DIDO1: variants seen among roughly 807,000 people sequenced by gnomAD.
The protein encoded by DIDO1 is death-inducer obliterator 1.
DIDO1 carries 16 observed loss-of-function variants against 99.4 expected under a neutral mutation model. The ratio of observed to expected loss-of-function variants is 0.16; its 90% CI spans 0.11 to 0.24. DIDO1 has a LOEUF of 0.24. DIDO1 is among the 10% of genes least tolerant of loss of function. The pLI, the probability that DIDO1 is intolerant of heterozygous loss-of-function variation, is 1.00. For missense variants in DIDO1, 2,996 were observed against 3,014.0 expected (o/e 0.99, Z 0.14); for synonymous variants, 1,366 against 1,239.1 (o/e 1.10, Z -2.15).
At chr20:62,887,003 A>T (rs1600916784) in intron 15 of DIDO1, among the ~76,000 whole-genome samples, 1 of 152,242 alleles carries the variant, frequency 6.6e-6, no homozygotes, top group East Asian at 1.9e-4. Flanking sequence ...GTAAGAGGAG[A>T]GCGACGTCCA....
rs768517454 is a variant in DIDO1 at position 62,896,924 on chromosome 20, C to T, written c.1661G>A (p.Gly554Asp). The T allele has an allele frequency of 1.9e-6, 3 of 1,613,908 alleles. No individual in the cohort carries two copies. The highest frequency in any genetic ancestry group is 1.3e-5 in the African/African-American group (1 of 74,912). ...TGCAGGCTGCTTGCCCACCGCGGAG[C>T]CTGGAGGGGCTGTTTTCTTTGAGGC... ...MAASKKTAPP[G>D]SAVGKQPAPR... The change falls in exon 7 of 16, where the codon GGC becomes GAC. Residue 554 changes from glycine to aspartate, a missense_variant. Gly to Asp is a moderately conservative substitution (Grantham distance 94). Transcript: ENST00000395343. The surrounding 1 kb of genome is among the most constrained non-coding windows in gnomAD (Gnocchi z 4.4).
rs1200364682 is a variant in DIDO1 at position 62,911,311 on chromosome 20, G to A, written c.302C>T (p.Ser101Phe). The change falls in exon 3 of 16, where the codon TCC becomes TTC. Residue 101 changes from serine to phenylalanine, a missense_variant. By Grantham distance (155) the Ser-to-Phe change is radical (BLOSUM62 -2). This residue lies in a region of DIDO1 where 388 missense variants were observed against 376.6 expected (regional missense o/e 1.03). Coordinates refer to ENST00000395343, the MANE Select transcript of DIDO1 (RefSeq NM_001193369.2). The surrounding 1 kb of genome is among the most constrained non-coding windows in gnomAD (Gnocchi z 7.0). ...VSLEDSGEPTSCPATDAETAS... is the reference protein window; with the variant it reads ...VSLEDSGEPTFCPATDAETAS... ...TGTCTCGGCGTCTGTGGCGGGGCAG[G>A]ACGTGGGCTCACCAGAATCCTCCAG... The A allele has an allele frequency of 2.5e-6, 4 of 1,608,924 alleles. No homozygotes were observed. The highest frequency in any genetic ancestry group is 3.4e-6 in the Non-Finnish European group (4 of 1,179,964).
Position 62,880,107 on chromosome 20 carries a change from C to T in DIDO1, c.5849G>A (p.Gly1950Asp). The T allele has an allele frequency of 6.2e-7, 1 of 1,612,548 alleles. No homozygotes were observed. Among genetic ancestry groups the T allele is most frequent in the Non-Finnish European group, 8.5e-7 (1 of 1,180,002 alleles). ...PHPNQFEGPR[G>D]QAPNFMPGPR... The stretch of plus-strand genomic sequence containing the variant: ...ACCTGGCATAAAGTTAGGCGCTTGG[C>T]CTCTGGGTCCTTCAAACTGGTTGGG... The change falls in exon 16 of 16, where the codon GGC becomes GAC. Residue 1950 changes from glycine (G) to aspartate (D), a missense_variant. This residue lies in a region of DIDO1 where 1,562 missense variants were observed against 1,412.6 expected (regional missense o/e 1.11). Coordinates refer to ENST00000395343, the MANE Select transcript of DIDO1 (RefSeq NM_001193369.2).
intron 1 of DIDO1, among the ~76,000 whole-genome samples, chr20:62,916,038 T>TA (rs2065031354): frequency 6.6e-6 from 1 of 152,158 alleles, no homozygotes; most frequent in Non-Finnish European, 1.5e-5. Flanking sequence ...AAATTTACTA[T>TA]AACATTTCAG....
chr20:62,924,407 T>A (rs1237286130), intron 1 of DIDO1, among the ~76,000 whole-genome samples: 1 of 152,292 alleles, frequency 6.6e-6, no homozygotes, highest in East Asian at 1.9e-4. Context: ...GGGACAGGCA[T>A]ATAAAAAGGA....
intron 1 of DIDO1, among the ~76,000 whole-genome samples, chr20:62,916,761 G>A (rs188768260): frequency 2.0e-5 from 3 of 152,292 alleles, no homozygotes; most frequent in Admixed American, 2.0e-4. Context: ...TTAGAATGGA[G>A]TATTGTAACC....
At chr20:62,903,865 AGGGAGAAGAGGTCAGAGTACCCCGCTATG>A (rs936886673) in intron 6 of DIDO1, among the ~76,000 whole-genome samples, 3 of 152,192 alleles carry the variant, frequency 2.0e-5, no homozygotes, top group Non-Finnish European at 4.4e-5. Flanking sequence ...AGAAGGGAAG[AGGGAGAAGAGGTCAGAGTACCCCGCTATG>A]GGCAGAAGAG....
intron 8 of DIDO1, among the ~76,000 whole-genome samples, chr20:62,895,681 G>T (rs1011003473): frequency 2.0e-5 from 3 of 152,164 alleles, no homozygotes; most frequent in African/African-American, 7.2e-5. Context: ...CTGTCAGCCC[G>T]GCGGCCTATC....
chr20:62,884,116 TAAA>T (rs2064257735), intron 15 of DIDO1, among the ~76,000 whole-genome samples: 1 of 152,164 alleles, frequency 6.6e-6, no homozygotes, highest in Non-Finnish European at 1.5e-5. Flanking sequence ...CACGCTCACG[TAAA>T]GCACCGAGGT....
At chr20:62,898,408 A>G (rs1425304173) in intron 6 of DIDO1, among the ~76,000 whole-genome samples, 1 of 152,206 alleles carries the variant, frequency 6.6e-6, no homozygotes, top group African/African-American at 2.4e-5. Flanking sequence ...CCATTTTTAC[A>G]AAACTTGCAA....
chr20:62,915,535 C>G (rs1039361484), intron 1 of DIDO1, among the ~76,000 whole-genome samples: 1 of 152,216 alleles, frequency 6.6e-6, no homozygotes, highest in Non-Finnish European at 1.5e-5. Flanking sequence ...GTTGCCCAGG[C>G]TGGAGTGCAG....
chr20:62,890,322 A>G, intron 15 of DIDO1: 1 of 986,216 alleles, frequency 1.0e-6, no homozygotes, highest in Middle Eastern at 5.2e-4. Flanking sequence ...GGTCACTAAC[A>G]GAGCACGTGG....
intron 6 of DIDO1, among the ~76,000 whole-genome samples, chr20:62,898,299 C>T (rs892997441): frequency 3.9e-5 from 6 of 152,212 alleles, no homozygotes; most frequent in East Asian, 1.9e-4. Flanking sequence ...GGCTTGGCCA[C>T]GTTGGCAGCG....
chr20:62,897,047 G>T (rs749871255), intron 6 of DIDO1, 51 bp from the exon 7 acceptor site: 1 of 1,517,176 alleles, frequency 6.6e-7, no homozygotes, highest in South Asian at 1.3e-5. Context: ...ACAGGGTGCT[G>T]TCACCTGACT....
intron 6 of DIDO1, among the ~76,000 whole-genome samples, chr20:62,902,171 C>A (rs1311449136): frequency 6.6e-6 from 1 of 152,210 alleles, no homozygotes; most frequent in Non-Finnish European, 1.5e-5. Context: ...TGTGGGACTT[C>A]ACCGTGCAGG....
Position 62,882,196 on chromosome 20 carries a change from T to A in DIDO1, c.3760A>T (p.Ser1254Cys). ...GGCGGCGACCCAGGAGGTGTGGTGC[T>A]GACAGCCGCGTCTGCAGAGCAGAGT... ...YPLCSADAAV[S>C]TTPPGSPPPP... Residue 1254 changes from serine (S) to cysteine (C), a missense_variant, in exon 16 of 16, where the codon AGC (serine) becomes TGC (cysteine). Around this residue, in one of 5 missense-constraint regions of DIDO1, gnomAD observed 1,562 missense variants for 1,412.6 expected, o/e 1.11. Transcript: ENST00000395343. 6.2e-7 allele frequency: 1 copy of A among 1,613,570 alleles called. No homozygotes were observed. Among genetic ancestry groups the A allele is most frequent in the Non-Finnish European group, 8.5e-7 (1 of 1,180,028 alleles).
At position 62,910,040 on chromosome 20, in the gene DIDO1, G is replaced by A. The variant is rs748658978; in HGVS notation, c.840-20C>T. On this transcript the variant is annotated intron_variant, in intron 3 of 15. Coordinates refer to ENST00000395343, the MANE Select transcript of DIDO1 (RefSeq NM_001193369.2). ...ATAAACCTGAAATTATAAAATAACGGTATTAGCAATGGGACGTGAGTGACA... is the reference window on the plus strand; with the variant it reads ...ATAAACCTGAAATTATAAAATAACGATATTAGCAATGGGACGTGAGTGACA... 2 of 1,595,260 alleles carry A rather than the reference G, an allele frequency of 1.3e-6. No individual in the cohort carries two copies. The highest frequency in any genetic ancestry group is 1.7e-6 in the Non-Finnish European group (2 of 1,173,498).
At chr20:62,895,350 T>C (rs1177197141) in intron 8 of DIDO1, among the ~76,000 whole-genome samples, 185 bp from the exon 9 acceptor site, 4 of 152,150 alleles carry the variant, frequency 2.6e-5, no homozygotes, top group African/African-American at 9.7e-5. Context: ...CAAACGGCCT[T>C]ATGAGAGTGC....
intron 12 of DIDO1, among the ~76,000 whole-genome samples, chr20:62,893,344 G>C (rs1445445084): frequency 6.6e-6 from 1 of 152,166 alleles, no homozygotes; most frequent in Non-Finnish European, 1.5e-5. Context: ...AAAAGTGAAC[G>C]CTTGCAAGTT....
Sources: gnomAD v4.1 joint callset for allele counts (sites outside exome capture counted in the v4.1 genomes callset) on GRCh38, gnomAD v4.1.1 for gene constraint, gnomAD v4.1.1 regional missense constraint, Gnocchi (gnomAD v3.1) non-coding constraint, MANE v1.5 for transcripts, NCBI Gene and HGNC (gene_info 2026-07-23, HGNC 2026-07-21) for gene names.